SLC6A11: variants seen among roughly 807,000 people sequenced by gnomAD.
SLC6A11 encodes sodium- and chloride-dependent GABA transporter 3.
Under a neutral mutation model 74.8 loss-of-function variants are expected in SLC6A11, and 25 were observed. The ratio of observed to expected loss-of-function variants is 0.33; its 90% CI spans 0.24 to 0.47. The LOEUF (loss-of-function observed/expected upper bound fraction) is 0.47. SLC6A11 is among the 20% of genes least tolerant of loss of function. The pLI is 1.00. For missense variants in SLC6A11, 574 were observed against 837.0 expected (o/e 0.69, Z 3.88); for synonymous variants, 330 against 330.2 (o/e 1.00, Z 0.01).
At chr3:10,906,031 A>G (rs891478762) in intron 6 of SLC6A11, among the ~76,000 whole-genome samples, 15 of 152,104 alleles carry the variant, frequency 9.9e-5, no homozygotes, top group Non-Finnish European at 2.2e-4. Context: ...GTATCTCTTG[A>G]ACATCTCACT....
intron 4 of SLC6A11, 53 bp from the exon 5 acceptor site, chr3:10,844,161 G>C (rs376894886): frequency 1.1e-5 from 18 of 1,610,096 alleles, no homozygotes; most frequent in Non-Finnish European, 1.1e-5. Context: ...TACTAGCTTT[G>C]CTGAAAATGG....
chr3:10,861,212 T>A (rs147263970), intron 5 of SLC6A11, among the ~76,000 whole-genome samples: 1 of 152,302 alleles, frequency 6.6e-6, no homozygotes, highest in East Asian at 1.9e-4. Flanking sequence ...TTTGATTAAT[T>A]GATTGAAAGA....
intron 4 of SLC6A11, 119 bp from the exon 5 acceptor site, chr3:10,844,095 G>A: frequency 8.3e-7 from 1 of 1,206,652 alleles, no homozygotes; most frequent in East Asian, 2.5e-5. Flanking sequence ...GGAGACATTT[G>A]GCCCACGGTG....
At chr3:10,870,314 G>C (rs1334107611) in intron 5 of SLC6A11, among the ~76,000 whole-genome samples, 1 of 152,178 alleles carries the variant, frequency 6.6e-6, no homozygotes, top group Non-Finnish European at 1.5e-5. Flanking sequence ...TTACCATTCT[G>C]TTGACCTGCA....
intron 4 of SLC6A11, among the ~76,000 whole-genome samples, chr3:10,842,984 G>C (rs1251913945): frequency 2.0e-5 from 3 of 152,156 alleles, no homozygotes; most frequent in African/African-American, 7.2e-5. Flanking sequence ...TGCTTGGTGG[G>C]ATGGGAGCTC....
intron 6 of SLC6A11, among the ~76,000 whole-genome samples, chr3:10,887,846 G>T (rs1379325105): frequency 2.0e-5 from 3 of 152,196 alleles, no homozygotes; most frequent in African/African-American, 7.2e-5. Flanking sequence ...TGCAGGAAAT[G>T]GTCTGTAGTT....
In SLC6A11 at chr3:10,940,481, G is replaced by A. The variant is rs1448569377; in HGVS notation, c.*2079G>A. The A allele has an allele frequency of 6.7e-6, 1 of 149,526 alleles. No individual in the cohort carries two copies. The highest frequency in any genetic ancestry group is 2.5e-5 in the African/African-American group (1 of 40,704). The allele number at this position is 149,526 out of a possible 1,614,324, so 9.3% of individuals were successfully genotyped here. A position where few individuals can be genotyped will look rare whatever the true frequency, so the allele number is the denominator to read the frequency against. On this transcript the variant is annotated 3_prime_UTR_variant, in exon 14 of 14. Transcript: ENST00000254488. ...TTTTGTTTTTTGTAATTTCCTACTA[G>A]TATTTGGGTAACTTTGGGGGTGGGG...
intron 6 of SLC6A11, among the ~76,000 whole-genome samples, chr3:10,890,529 T>C (rs1435961503): frequency 6.6e-6 from 1 of 152,240 alleles, no homozygotes; most frequent in African/African-American, 2.4e-5. Context: ...GCTGACTCAG[T>C]CAGTGTGGCT....
intron 11 of SLC6A11, chr3:10,933,850 A>G (rs1695722830): frequency 2.3e-6 from 1 of 439,326 alleles, no homozygotes; most frequent in East Asian, 3.8e-5. Context: ...AGGCCAGGAG[A>G]GCTCTCTCCA....
At chr3:10,892,174 C>T (rs939437592) in intron 6 of SLC6A11, among the ~76,000 whole-genome samples, 1 of 152,252 alleles carries the variant, frequency 6.6e-6, no homozygotes, top group Non-Finnish European at 1.5e-5. Flanking sequence ...CACTTGATGT[C>T]CTTCTCTGAA....
chr3:10,844,900 T>G (rs1434500256), intron 5 of SLC6A11, among the ~76,000 whole-genome samples: 1 of 152,192 alleles, frequency 6.6e-6, no homozygotes, highest in East Asian at 1.9e-4. Context: ...AGCTTTTAAC[T>G]GCCATGGCCT....
intron 5 of SLC6A11, among the ~76,000 whole-genome samples, chr3:10,863,986 G>A (rs1197694559): frequency 6.6e-6 from 1 of 152,026 alleles, no homozygotes; most frequent in African/African-American, 2.4e-5. Flanking sequence ...CTGTGAAATG[G>A]GAATAATATT....
chr3:10,919,400 C>T (rs1446169422), intron 8 of SLC6A11, among the ~76,000 whole-genome samples: 2 of 152,216 alleles, frequency 1.3e-5, no homozygotes, highest in African/African-American at 4.8e-5. Context: ...CAGCACAGGG[C>T]ATCTGGCCTC....
At chr3:10,908,966 G>C (rs1035778320) in intron 6 of SLC6A11, among the ~76,000 whole-genome samples, 3 of 152,102 alleles carry the variant, frequency 2.0e-5, no homozygotes, top group Non-Finnish European at 4.4e-5. Flanking sequence ...TCTGATTTCA[G>C]GTCTGATCCA....
chr3:10,859,857 C>G (rs997922987), intron 5 of SLC6A11, among the ~76,000 whole-genome samples: 9 of 152,154 alleles, frequency 5.9e-5, no homozygotes, highest in African/African-American at 2.2e-4. Context: ...AATCTACTAT[C>G]CACTGCTTTA....
At chr3:10,903,435 A>T (rs1226617579) in intron 6 of SLC6A11, among the ~76,000 whole-genome samples, 1 of 152,038 alleles carries the variant, frequency 6.6e-6, no homozygotes. Context: ...CCTCCCCACA[A>T]GTTGCTCCTC....
intron 4 of SLC6A11, chr3:10,823,640 G>T (rs943323926): frequency 4.7e-5 from 21 of 448,072 alleles, no homozygotes; most frequent in Non-Finnish European, 7.4e-5. Flanking sequence ...GGTTATTAGG[G>T]CAGGAAGTAC....
chr3:10,873,270 C>G (rs1046518094), intron 5 of SLC6A11, among the ~76,000 whole-genome samples: 10 of 152,176 alleles, frequency 6.6e-5, no homozygotes, highest in South Asian at 6.2e-4. Context: ...GGTCCAATCG[C>G]CTGCCTCCAA....
intron 4 of SLC6A11, among the ~76,000 whole-genome samples, chr3:10,833,797 GTTA>G (rs1694329516): frequency 6.6e-6 from 1 of 152,216 alleles, no homozygotes; most frequent in South Asian, 2.1e-4. Flanking sequence ...GTGGTCTCCT[GTTA>G]TTATGAGTTC....
Sources: allele counts gnomAD v4.1 joint callset (sites outside exome capture counted in the v4.1 genomes callset), GRCh38; gene constraint gnomAD v4.1.1; transcripts MANE v1.5; gene names NCBI Gene and HGNC (gene_info 2026-07-23, HGNC 2026-07-21).